NAA50: variants seen among roughly 807,000 people sequenced by gnomAD.
The protein encoded by NAA50 is N-alpha-acetyltransferase 50.
Under a neutral mutation model 20.7 loss-of-function variants are expected in NAA50, and 7 were observed. The observed-to-expected ratio is 0.34, with a 90% CI of 0.19 to 0.63. The LOEUF is 0.63. Ranked by LOEUF, NAA50 falls within the 30% of genes least tolerant of loss-of-function variation. NAA50 has a pLI of 0.75. For synonymous variants in NAA50, 54 were observed against 70.6 expected, an observed-to-expected ratio of 0.77 and a Z score of 1.18; for missense variants, 111 against 199.1, an observed-to-expected ratio of 0.56 and a Z score of 2.66.
In NAA50 at chr3:113,719,399, TAACAG is replaced by T. The variant is rs1708103837; in HGVS notation, c.*2356_*2360del. On this transcript the variant is annotated 3_prime_UTR_variant, in exon 5 of 5. Transcript: ENST00000240922. Reference sequence around the variant, plus strand: ...TGGATATATCCTGTGATTTTCCAGTTAACAGAATTGTTCTACTTCAAAGATAATTA... The same window carrying T: ...TGGATATATCCTGTGATTTTCCAGTTAATTGTTCTACTTCAAAGATAATTA... 1 of 152,652 alleles carries T rather than the reference TAACAG, an allele frequency of 6.6e-6. No individual in the cohort carries two copies. Among genetic ancestry groups the T allele is most frequent in the Admixed American group, 6.5e-5 (1 of 15,292 alleles). 9.5% of individuals were successfully genotyped at this position (152,652 alleles called of 1,614,324 possible). A position where few individuals can be genotyped will look rare whatever the true frequency, so the allele number is the denominator to read the frequency against.
intron 1 of NAA50, among the ~76,000 whole-genome samples, chr3:113,738,040 A>G (rs1201126159): frequency 1.3e-5 from 2 of 152,086 alleles, no homozygotes; most frequent in Non-Finnish European, 2.9e-5. Context: ...CCCTGACTCT[A>G]TTTCTTTGAA....
chr3:113,726,615 G>A (rs1424085284), intron 1 of NAA50, among the ~76,000 whole-genome samples: 5 of 151,850 alleles, frequency 3.3e-5, no homozygotes, highest in Non-Finnish European at 7.4e-5. Flanking sequence ...GTGGTGGCAC[G>A]TGCCTGTAGT....
chr3:113,728,016 T>C (rs1708221258), intron 1 of NAA50, among the ~76,000 whole-genome samples: 1 of 152,050 alleles, frequency 6.6e-6, no homozygotes, highest in Admixed American at 6.6e-5. Context: ...AGACATGGAT[T>C]TTCTAAATAT....
intron 1 of NAA50, chr3:113,740,698 T>TA: frequency 6.0e-6 from 1 of 165,594 alleles, no homozygotes; most frequent in Non-Finnish European, 1.3e-5. Flanking sequence ...TTTCACACTT[T>TA]AAAATTTAAA....
intron 1 of NAA50, among the ~76,000 whole-genome samples, chr3:113,731,642 A>G (rs1476685408): frequency 3.9e-5 from 6 of 152,162 alleles, no homozygotes; most frequent in Non-Finnish European, 7.4e-5. Flanking sequence ...TCCTACCCCT[A>G]GACAGCCACT....
At chr3:113,740,732 C>T (rs1365514911) in intron 1 of NAA50, 1 of 162,812 alleles carries the variant, frequency 6.1e-6, no homozygotes, top group African/African-American at 2.4e-5. Flanking sequence ...ATACAAGGCA[C>T]ATTTTTTCTT....
At chr3:113,726,381 TTTTC>T (rs1243899169) in intron 1 of NAA50, among the ~76,000 whole-genome samples, 1 of 152,098 alleles carries the variant, frequency 6.6e-6, no homozygotes, top group African/African-American at 2.4e-5. Flanking sequence ...GAAATTCATG[TTTTC>T]TTTAAGTAGA....
Position 113,720,637 on chromosome 3 carries a change from A to G in NAA50, c.*1123T>C, listed in dbSNP as rs1418290945. 1 of 152,642 alleles carries G rather than the reference A, an allele frequency of 6.6e-6. No homozygotes were observed. The highest frequency in any genetic ancestry group is 1.5e-5 in the Non-Finnish European group (1 of 68,024). 9.5% of individuals were successfully genotyped at this position (152,642 alleles called of 1,614,324 possible). A position where few individuals can be genotyped will look rare whatever the true frequency, so the allele number is the denominator to read the frequency against. On this transcript the variant is annotated 3_prime_UTR_variant, in exon 5 of 5. Coordinates refer to ENST00000240922, the MANE Select transcript of NAA50 (RefSeq NM_025146.4). ...AAACTCAATATCACAGGCACTGAGT[A>G]TAAGCAAATCTGGGATGTCCTCCAA...
At position 113,724,864 on chromosome 3, in the gene NAA50, T is replaced by C. The variant is rs138862221; in HGVS notation, c.9-769A>G. ...ATAAGGAGGCTTTCCTTCACTTCGC[T>C]CTCATTTCTCCTTCCTGCCACCATG... On this transcript the variant is annotated intron_variant, in intron 1 of 4. Coordinates refer to ENST00000240922, the MANE Select transcript of NAA50 (RefSeq NM_025146.4). 9.4e-3 allele frequency among the ~76,000 whole-genome samples: 1,435 copies of C among 152,262 alleles called. 16 individuals are homozygous for C. Among genetic ancestry groups the C allele is most frequent in the African/African-American group, 0.033 (1,372 of 41,532 alleles).
At position 113,720,486 on chromosome 3, in the gene NAA50, T is replaced by A. The variant is rs1387910937; in HGVS notation, c.*1274A>T. The A allele has an allele frequency of 6.6e-6, 1 of 152,660 alleles. No homozygotes were observed. The highest frequency in any genetic ancestry group is 1.5e-5 in the Non-Finnish European group (1 of 68,020). The allele number at this position is 152,660 out of a possible 1,614,324, so 9.5% of individuals were successfully genotyped here. On this transcript the variant is annotated 3_prime_UTR_variant, in exon 5 of 5. Transcript: ENST00000240922. The stretch of plus-strand genomic sequence containing the variant: ...CCACTCCGTGTGTGCCGGAAAATGA[T>A]CTGGCATAAACCAGTCCTCTCAGTG...
chr3:113,735,885 G>A (rs964207934), intron 1 of NAA50, among the ~76,000 whole-genome samples: 3 of 152,252 alleles, frequency 2.0e-5, no homozygotes, highest in African/African-American at 7.2e-5. Flanking sequence ...GTTTCGCCAT[G>A]TTGGCCAGGC....
intron 1 of NAA50, among the ~76,000 whole-genome samples, chr3:113,743,935 G>T (rs1247500941): frequency 6.6e-6 from 1 of 152,030 alleles, no homozygotes; most frequent in Non-Finnish European, 1.5e-5. Context: ...CATTTCTATC[G>T]CCAAGTTATG....
At chr3:113,735,115 T>C (rs1234596507) in intron 1 of NAA50, among the ~76,000 whole-genome samples, 2 of 152,174 alleles carry the variant, frequency 1.3e-5, no homozygotes, top group Non-Finnish European at 2.9e-5. Context: ...AGGATGTCTG[T>C]AGTAAGAAGG....
At chr3:113,733,320 A>G (rs1049094607) in intron 1 of NAA50, among the ~76,000 whole-genome samples, 1 of 146,514 alleles carries the variant, frequency 6.8e-6, no homozygotes, top group African/African-American at 2.5e-5. Context: ...CAATTTTTCT[A>G]AAAATCTAAA....
chr3:113,732,640 A>C (rs769665434), intron 1 of NAA50, among the ~76,000 whole-genome samples: 2 of 152,148 alleles, frequency 1.3e-5, no homozygotes, highest in Non-Finnish European at 2.9e-5. Flanking sequence ...TACTCTTCTT[A>C]TAAGGACGCT....
Position 113,718,706 on chromosome 3 carries a change from CTAA to C in NAA50, c.*3051_*3053del. 1 of 152,264 alleles carries C rather than the reference CTAA, an allele frequency of 6.6e-6. No individual in the cohort carries two copies. The highest frequency in any genetic ancestry group is 2.1e-4 in the South Asian group (1 of 4,830). 9.4% of individuals were successfully genotyped at this position (152,264 alleles called of 1,614,324 possible). A position where few individuals can be genotyped will look rare whatever the true frequency, so the allele number is the denominator to read the frequency against. Reference sequence around the variant, plus strand: ...TTGCAGCCTAAAGTGTCAAGTATTTCTAATAATTACATTAAAAATACAGCAGCA... The same window carrying C: ...TTGCAGCCTAAAGTGTCAAGTATTTCTAATTACATTAAAAATACAGCAGCA... On this transcript the variant is annotated 3_prime_UTR_variant, in exon 5 of 5. Coordinates refer to ENST00000240922, the MANE Select transcript of NAA50 (RefSeq NM_025146.4).
chr3:113,718,605 G>A lies in NAA50; in HGVS notation c.*3155C>T, dbSNP rs545716605. Reference sequence around the variant, plus strand: ...CCAATTCCCAACTCATTGAACTACCGTACTCCTTCCTTACAAGGAAGAAAA... The same window carrying A: ...CCAATTCCCAACTCATTGAACTACCATACTCCTTCCTTACAAGGAAGAAAA... On this transcript the variant is annotated 3_prime_UTR_variant, in exon 5 of 5. Transcript: ENST00000240922. 5.7e-4 allele frequency: 87 copies of A among 152,256 alleles called. No homozygotes were observed. The highest frequency in any genetic ancestry group is 1.9e-3 in the African/African-American group (81 of 41,548). 9.4% of individuals were successfully genotyped at this position (152,256 alleles called of 1,614,324 possible). A position where few individuals can be genotyped will look rare whatever the true frequency, so the allele number is the denominator to read the frequency against.
rs1467226153 is a variant in NAA50, at chr3:113,719,698, T to A, written c.*2062A>T. ...ACACACTCAATTCAAAATTTAATAT[T>A]TTTTCCTCCTTAAATAACATGTACT... On this transcript the variant is annotated 3_prime_UTR_variant, in exon 5 of 5. Transcript: ENST00000240922. 6.6e-6 allele frequency: 1 copy of A among 152,586 alleles called. No individual in the cohort carries two copies. Among genetic ancestry groups the A allele is most frequent in the East Asian group, 1.9e-4 (1 of 5,196 alleles). The allele number at this position is 152,586 out of a possible 1,614,324, so 9.5% of individuals were successfully genotyped here.
At chr3:113,727,882 T>C (rs555658991) in intron 1 of NAA50, among the ~76,000 whole-genome samples, 2 of 152,288 alleles carry the variant, frequency 1.3e-5, no homozygotes, top group African/African-American at 4.8e-5. Flanking sequence ...TTCAAAATGT[T>C]CACTTAATGT....
Sources: allele counts gnomAD v4.1 joint callset (sites outside exome capture counted in the v4.1 genomes callset), GRCh38; gene constraint gnomAD v4.1.1; transcripts MANE v1.5; gene names NCBI Gene and HGNC (gene_info 2026-07-23, HGNC 2026-07-21).